ERBB4: variants seen among roughly 807,000 people sequenced by gnomAD.
The protein encoded by ERBB4 is erb-b2 receptor tyrosine kinase 4, also known as receptor tyrosine-protein kinase erbB-4.
A neutral mutation model predicts 158.0 loss-of-function variants in ERBB4; 42 were observed. The ratio of observed to expected loss-of-function variants is 0.27; its 90% confidence interval spans 0.21 to 0.34. The LOEUF (loss-of-function observed/expected upper bound fraction) is 0.34. Ranked by LOEUF, ERBB4 falls within the 10% of genes least tolerant of loss-of-function variation. The pLI is 1.00. For missense variants in ERBB4, 1,333 were observed against 1,624.1 expected, an observed-to-expected ratio of 0.82 and a Z score of 3.08; for synonymous variants, 583 against 558.7, an observed-to-expected ratio of 1.04 and a Z score of -0.61.
intron 1 of ERBB4, among the ~76,000 whole-genome samples, chr2:212,415,636 A>C (rs1025174410): frequency 6.6e-6 from 1 of 152,136 alleles, no homozygotes; most frequent in Non-Finnish European, 1.5e-5. Flanking sequence ...ATAACCAAGA[A>C]TAAATGTATT....
chr2:212,258,168 A>T (rs903011709), intron 1 of ERBB4, among the ~76,000 whole-genome samples: 30 of 152,116 alleles, frequency 2.0e-4, no homozygotes, highest in Non-Finnish European at 2.8e-4. Context: ...TTAGATTTTT[A>T]AAAAAATTTC....
intron 3 of ERBB4, among the ~76,000 whole-genome samples, chr2:211,807,354 T>A (rs2076642713): frequency 6.6e-6 from 1 of 152,186 alleles, no homozygotes; most frequent in Non-Finnish European, 1.5e-5. Context: ...CCAAGTGTTC[T>A]CATTGTTCAG....
At chr2:212,011,636 G>A (rs1474407635) in intron 2 of ERBB4, among the ~76,000 whole-genome samples, 2 of 151,904 alleles carry the variant, frequency 1.3e-5, no homozygotes, top group East Asian at 3.9e-4. Context: ...TGTAATCCAA[G>A]CCACTCAGGA....
At chr2:212,191,984 TATATGTTATATATGTTATATATA>T (rs2082262930) in intron 1 of ERBB4, among the ~76,000 whole-genome samples, 2 of 83,294 alleles carry the variant, frequency 2.4e-5, no homozygotes, top group African/African-American at 9.3e-5. Flanking sequence ...TTATATATGT[TATATGTTATATATGTTATATATA>T]ATATATGTTA....
chr2:212,363,063 A>G (rs2089752064), intron 1 of ERBB4, among the ~76,000 whole-genome samples: 1 of 151,408 alleles, frequency 6.6e-6, no homozygotes, highest in Non-Finnish European at 1.5e-5. Flanking sequence ...GCAGTTTGGT[A>G]TATATCCCAC....
intron 1 of ERBB4, among the ~76,000 whole-genome samples, chr2:212,329,999 T>C (rs1479637607): frequency 6.6e-6 from 1 of 152,044 alleles, no homozygotes; most frequent in Non-Finnish European, 1.5e-5. Context: ...ATCTCTGAAG[T>C]TCCACCCCAG....
chr2:211,862,761 T>A (rs1372551019), intron 3 of ERBB4, among the ~76,000 whole-genome samples: 1 of 152,192 alleles, frequency 6.6e-6, no homozygotes, highest in Non-Finnish European at 1.5e-5. Context: ...TATCTAAAAA[T>A]AAAGTGTGAG....
At chr2:211,760,770 T>G (rs902093099) in intron 4 of ERBB4, among the ~76,000 whole-genome samples, 1 of 152,246 alleles carries the variant, frequency 6.6e-6, no homozygotes, top group African/African-American at 2.4e-5. Flanking sequence ...ATGATCAACA[T>G]CATCAACCTC....
At chr2:212,129,546 T>C (rs999286319) in intron 1 of ERBB4, among the ~76,000 whole-genome samples, 1 of 151,888 alleles carries the variant, frequency 6.6e-6, no homozygotes, top group Non-Finnish European at 1.5e-5. Context: ...AAACTTCTTA[T>C]AATGAACATA....
At chr2:212,478,563 G>A (rs539940021) in intron 1 of ERBB4, among the ~76,000 whole-genome samples, 2 of 152,004 alleles carry the variant, frequency 1.3e-5, no homozygotes, top group African/African-American at 2.4e-5. Context: ...AGAGAGATGA[G>A]GAAAGGGAAA....
chr2:211,941,715 A>G (rs1485216370), intron 3 of ERBB4, among the ~76,000 whole-genome samples: 2 of 65,216 alleles, frequency 3.1e-5, no homozygotes, highest in African/African-American at 7.5e-5. Flanking sequence ...AATTTGGAAC[A>G]CTTTTTTTTT....
intron 2 of ERBB4, among the ~76,000 whole-genome samples, chr2:212,015,504 C>T (rs1005609487): frequency 1.3e-5 from 2 of 152,064 alleles, no homozygotes; most frequent in South Asian, 4.1e-4. Context: ...GTGCCTGGGA[C>T]CTGTTTCTCT....
At position 211,539,806 on chromosome 2, in the gene ERBB4, C is replaced by T. The variant is rs115875150; in HGVS notation, c.2487+22097G>A. On this transcript the variant is annotated intron_variant, in intron 20 of 27. Coordinates refer to ENST00000342788, the MANE Select transcript of ERBB4 (RefSeq NM_005235.3). The stretch of plus-strand genomic sequence containing the variant: ...AGGTTTTTTTATGTTCATTGTATCA[C>T]GTCTTAATGTTCCTCAAGCAATGGA... Among the ~76,000 whole-genome samples the T allele has an allele frequency of 2.6e-3, 399 of 152,026 alleles. 4 individuals carry two copies. Among genetic ancestry groups the T allele is most frequent in the African/African-American group, 9.3e-3 (386 of 41,522 alleles).
chr2:211,579,884 A>G (rs1435334101), intron 19 of ERBB4, among the ~76,000 whole-genome samples: 1 of 152,160 alleles, frequency 6.6e-6, no homozygotes, highest in African/African-American at 2.4e-5. Context: ...TGATAGGTGC[A>G]GCAAACCACC....
chr2:212,488,833 T>C (rs537633569), intron 1 of ERBB4, among the ~76,000 whole-genome samples: 3 of 151,130 alleles, frequency 2.0e-5, no homozygotes, highest in African/African-American at 7.3e-5. Flanking sequence ...TCATTGCAAA[T>C]ATATTGAAAA....
At chr2:211,841,785 T>A (rs1010586956) in intron 3 of ERBB4, among the ~76,000 whole-genome samples, 10 of 152,160 alleles carry the variant, frequency 6.6e-5, no homozygotes, top group African/African-American at 2.4e-4. Context: ...TAAAGCAGAA[T>A]TACCAATTGT....
intron 1 of ERBB4, among the ~76,000 whole-genome samples, chr2:212,185,018 T>G (rs1274578330): frequency 7.1e-6 from 1 of 141,378 alleles, no homozygotes; most frequent in Admixed American, 6.8e-5. Context: ...GTTACTTTTT[T>G]TTCTTTTTTT....
intron 3 of ERBB4, among the ~76,000 whole-genome samples, chr2:211,940,111 C>T (rs1206886934): frequency 1.3e-5 from 2 of 151,976 alleles, no homozygotes; most frequent in Non-Finnish European, 2.9e-5. Context: ...CTAGCCCCAG[C>T]ATTGTTGTGC....
chr2:211,691,042 G>C (rs1334743856), intron 12 of ERBB4, among the ~76,000 whole-genome samples: 3 of 151,922 alleles, frequency 2.0e-5, no homozygotes, highest in Non-Finnish European at 4.4e-5. Flanking sequence ...TTAAGTAATG[G>C]ATTTTGCTAC....
Sources: gnomAD v4.1 joint callset for allele counts (sites outside exome capture counted in the v4.1 genomes callset) on GRCh38, gnomAD v4.1.1 for gene constraint, MANE v1.5 for transcripts, NCBI Gene and HGNC (gene_info 2026-07-23, HGNC 2026-07-21) for gene names.